CDH3: variants seen among roughly 807,000 people sequenced by gnomAD.
The protein encoded by CDH3 is cadherin-3.
Under a neutral mutation model 82.0 loss-of-function variants are expected in CDH3, and 54 were observed. That is an observed-to-expected ratio of 0.66 (90% CI 0.53 to 0.83). The LOEUF is 0.83. Ranked by LOEUF, CDH3 falls within the 40% of genes least tolerant of loss-of-function variation. The pLI is 0.00. For synonymous variants in CDH3, 446 were observed against 437.9 expected (o/e 1.02, Z -0.23); for missense variants, 1,054 against 1,084.6 (o/e 0.97, Z 0.40).
chr16:68,703,842 G>A (rs1961925754), downstream of CDH3, among the ~76,000 whole-genome samples: 1 of 152,176 alleles, frequency 6.6e-6, no homozygotes, highest in African/African-American at 2.4e-5. Flanking sequence ...AGCTACTTGG[G>A]AGGCTGAGGC....
At chr16:68,695,051 G>A (rs993290255) in intron 13 of CDH3, among the ~76,000 whole-genome samples, 2 of 152,162 alleles carry the variant, frequency 1.3e-5, no homozygotes, top group Non-Finnish European at 2.9e-5. Context: ...TGGGTAGGGG[G>A]ACTTGGAGGC....
intron 1 of CDH3, among the ~76,000 whole-genome samples, chr16:68,716,620 C>CAAAAAAAAAAAAAAAA (rs563385107): frequency 9.7e-6 from 1 of 103,194 alleles, no homozygotes; most frequent in Non-Finnish European, 1.8e-5. Context: ...GACTCCGGCT[C>CAAAAAAAAAAAAAAAA]AAAAAAAAAA....
Position 68,695,820 on chromosome 16 carries a change from C to T in CDH3, c.2177C>T (p.Pro726Leu), listed in dbSNP as rs371492322. The change falls in exon 15 of 16, where the codon CCG (proline) becomes CTG (leucine). Residue 726 changes from proline (P) to leucine (L), a missense_variant. Transcript: ENST00000264012. ...CTCCACCGAGGTCTGGAGGCCAGGC[C>T]GGAGGTGGTTCTCCGCAATGACGTG... The part of the protein sequence containing the change: ...TQLHRGLEAR[P>L]EVVLRNDVAP... 1.5e-5 allele frequency: 25 copies of T among 1,613,988 alleles called. No individual in the cohort carries two copies. Among genetic ancestry groups the T allele is most frequent in the African/African-American group, 9.3e-5 (7 of 74,886 alleles).
rs374457524 is a variant in CDH3 at position 68,664,846 on chromosome 16, C to T, written c.161-11539C>T. Among the ~76,000 whole-genome samples the T allele has an allele frequency of 1.2e-4, 18 of 151,972 alleles. No individual in the cohort carries two copies. In the East Asian group the frequency reaches 2.9e-3, roughly 25 times the overall value. ...GCTAATTTTGGTAGAGATGGGGTTT[C>T]GCCATGTTGCCCAGGCTGGTCTCAA... On this transcript the variant is annotated intron_variant, in intron 2 of 15. Transcript: ENST00000264012.
In CDH3 at chr16:68,676,142, A is replaced by G. The variant is rs1456461260; in HGVS notation, c.161-243A>G. ...ATCTTGGTCCTCTGGGACCAAGAAC[A>G]AAGAAGAGTTTGACCCACAAACTGA... On this transcript the variant is annotated intron_variant, in intron 2 of 15. Coordinates refer to ENST00000264012, the MANE Select transcript of CDH3 (RefSeq NM_001793.6). Among the ~76,000 whole-genome samples, 3 of 152,210 alleles carry G rather than the reference A, an allele frequency of 2.0e-5. No individual in the cohort carries two copies. In the East Asian group the frequency reaches 5.8e-4, roughly 29 times the overall value.
At chr16:68,717,687 C>A (rs769905398) in intron 1 of CDH3, among the ~76,000 whole-genome samples, 1 of 151,616 alleles carries the variant, frequency 6.6e-6, no homozygotes, top group East Asian at 1.9e-4. Context: ...GCAGGAGAAT[C>A]GCTTGAACCT....
intron 2 of CDH3, among the ~76,000 whole-genome samples, chr16:68,673,677 G>C (rs1343946788): frequency 6.6e-6 from 1 of 152,184 alleles, no homozygotes; most frequent in Non-Finnish European, 1.5e-5. Context: ...TGTAATCCCA[G>C]CACTTTGGGA....
chr16:68,724,068 CAA>C (rs55897906), intron 2 of CDH3, among the ~76,000 whole-genome samples: 56,551 of 112,596 alleles, frequency 0.5, 14,757 homozygotes, highest in Non-Finnish European at 0.58. Context: ...GACTCCGTCT[CAA>C]AAAAAAAAAA....
intron 15 of CDH3, 73 bp from the exon 16 acceptor site, chr16:68,698,118 G>A (rs1018638187): frequency 6.6e-6 from 9 of 1,359,030 alleles, no homozygotes; most frequent in African/African-American, 1.4e-5. Context: ...GGCTCACAGA[G>A]AGGAAATGGA....
chr16:68,707,468 G>C lies in CDH3; in HGVS notation c.99+11545G>C. The stretch of plus-strand genomic sequence containing the variant: ...CCCTGAGGATGCGGCAGGGCCTGTC[G>C]GGGCCTGTGGGCAGCTGCAGAGCTG... On this transcript the variant is annotated intron_variant, in intron 1 of 2. Coordinates refer to the CDH3 transcript ENST00000569080. The surrounding 1 kb of genome is among the most constrained non-coding windows in gnomAD (Gnocchi z 4.5). 6.6e-6 allele frequency among the ~76,000 whole-genome samples: 1 copy of C among 152,242 alleles called. No individual in the cohort carries two copies. Among genetic ancestry groups the C allele is most frequent in the African/African-American group, 2.4e-5 (1 of 41,556 alleles).
At chr16:68,700,579 G>A (rs866948717), downstream of CDH3, among the ~76,000 whole-genome samples, 1 of 152,230 alleles carries the variant, frequency 6.6e-6, no homozygotes, top group Non-Finnish European at 1.5e-5. Context: ...TGAGGTGGGT[G>A]GATCACTTGA....
chr16:68,687,382 T>C, intron 11 of CDH3, 130 bp from the exon 12 acceptor site: 1 of 698,902 alleles, frequency 1.4e-6, no homozygotes, highest in South Asian at 1.6e-5. Flanking sequence ...CTGGCATGTA[T>C]GTGCCATGTA....
rs778076252 is a variant in CDH3 at position 68,695,980 on chromosome 16, C to T, written c.2280+57C>T. On this transcript the variant is annotated intron_variant, in intron 15 of 15. Coordinates refer to ENST00000264012, the MANE Select transcript of CDH3 (RefSeq NM_001793.6). ...CTTTATTCAAGCCCAGCACCAGCCA[C>T]ACAGGAGAACAAGCATGGGCCTGGA... The T allele has an allele frequency of 5.7e-6, 9 of 1,584,438 alleles. No homozygotes were observed. The East Asian group carries it at 2.0e-4, about 36-fold the overall frequency.
chr16:68,652,800 A>G (rs922288363), intron 2 of CDH3, among the ~76,000 whole-genome samples: 1 of 152,172 alleles, frequency 6.6e-6, no homozygotes, highest in Non-Finnish European at 1.5e-5. Context: ...ACTTTCTGTA[A>G]GAGGATCATA....
chr16:68,718,770 C>G (rs1474865303), intron 1 of CDH3, among the ~76,000 whole-genome samples: 5 of 152,096 alleles, frequency 3.3e-5, no homozygotes, highest in African/African-American at 1.2e-4. Flanking sequence ...TAACTCTGCT[C>G]CTAGGTATTT....
At chr16:68,686,310 G>A in intron 11 of CDH3, 1 of 802,964 alleles carries the variant, frequency 1.2e-6, no homozygotes, top group Non-Finnish European at 2.1e-6. Context: ...GTGTCGCCAG[G>A]GTCAGACCGC....
chr16:68,665,547 T>TGTTAAA (rs1960709623), intron 2 of CDH3, among the ~76,000 whole-genome samples: 1 of 152,226 alleles, frequency 6.6e-6, no homozygotes, highest in African/African-American at 2.4e-5. Flanking sequence ...GAGTACTTAC[T>TGTTAAA]GTTAAACAGT....
At chr16:68,714,741 G>A (rs1051507376) in intron 1 of CDH3, among the ~76,000 whole-genome samples, 8 of 149,290 alleles carry the variant, frequency 5.4e-5, no homozygotes, top group South Asian at 2.1e-4. Context: ...AGACAAGGCC[G>A]GGTTCAGTGG....
At chr16:68,728,832 A>G (rs1243882420), downstream of CDH3, among the ~76,000 whole-genome samples, 1 of 152,326 alleles carries the variant, frequency 6.6e-6, no homozygotes, top group East Asian at 1.9e-4. Flanking sequence ...GTGAATCAGC[A>G]AGAGAGCTTC....
Sources: gnomAD v4.1 joint callset for allele counts (sites outside exome capture counted in the v4.1 genomes callset) on GRCh38, gnomAD v4.1.1 for gene constraint, Gnocchi (gnomAD v3.1) non-coding constraint, MANE v1.5 for transcripts, NCBI Gene and HGNC (gene_info 2026-07-23, HGNC 2026-07-21) for gene names.